ZNF431: variants seen among roughly 807,000 people sequenced by gnomAD.
ZNF431 encodes zinc finger protein 431.
ZNF431 carries 34 observed loss-of-function variants against 57.0 expected under a neutral mutation model. The ratio of observed to expected loss-of-function variants is 0.60; its 90% CI spans 0.45 to 0.79. The LOEUF (loss-of-function observed/expected upper bound fraction) is 0.79, where lower values mean the gene tolerates loss of function less well. Among genes scored for constraint, ZNF431 ranks in the 30% least tolerant of loss-of-function variants. The pLI is 0.00. For missense variants in ZNF431, 607 were observed against 667.1 expected (o/e 0.91, Z 0.99); for synonymous variants, 207 against 220.3 (o/e 0.94, Z 0.54).
chr19:21,145,198 C>G (rs925731983), intron 2 of ZNF431, among the ~76,000 whole-genome samples: 2 of 152,112 alleles, frequency 1.3e-5, no homozygotes, highest in Admixed American at 1.3e-4. Context: ...AAAGGCCCAC[C>G]TATGCGGTGG....
At chr19:21,180,408 A>G (rs1971176286) in intron 4 of ZNF431, among the ~76,000 whole-genome samples, 1 of 152,108 alleles carries the variant, frequency 6.6e-6, no homozygotes, top group South Asian at 2.1e-4. Flanking sequence ...CTTGTCTGAA[A>G]AGAATTTTAT....
At chr19:21,155,060 G>A (rs570888748) in intron 2 of ZNF431, among the ~76,000 whole-genome samples, 35 of 152,160 alleles carry the variant, frequency 2.3e-4, no homozygotes, top group African/African-American at 4.1e-4. Context: ...TTTTGTTGCC[G>A]TTGCTTTTGG....
At chr19:21,144,516 T>C (rs1970029756) in intron 2 of ZNF431, among the ~76,000 whole-genome samples, 1 of 152,080 alleles carries the variant, frequency 6.6e-6, no homozygotes, top group African/African-American at 2.4e-5. Context: ...TAGGAAAATA[T>C]TTACAAAGGG....
chr19:21,144,437 C>T (rs1337849620), intron 2 of ZNF431, among the ~76,000 whole-genome samples: 1 of 152,048 alleles, frequency 6.6e-6, no homozygotes, highest in Admixed American at 6.6e-5. Flanking sequence ...CTCCTGACCT[C>T]AGATGATCTG....
In ZNF431 at chr19:21,188,585, T is replaced by G. The variant is rs1971433690; in HGVS notation, c.*4551T>G. ...TTTGAAAAATAATGTCTTTTCTATATTGATTTTACAATTTGGAGAAATTTT... is the reference window on the plus strand; with the variant it reads ...TTTGAAAAATAATGTCTTTTCTATAGTGATTTTACAATTTGGAGAAATTTT... On this transcript the variant is annotated 3_prime_UTR_variant, in exon 5 of 5. Coordinates refer to ENST00000311048, the MANE Select transcript of ZNF431 (RefSeq NM_133473.4). 6.6e-6 allele frequency: 1 copy of G among 152,230 alleles called. No homozygotes were observed. The highest frequency in any genetic ancestry group is 2.4e-5 in the African/African-American group (1 of 41,464). 9.4% of individuals were successfully genotyped at this position (152,230 alleles called of 1,614,324 possible). A position where few individuals can be genotyped will look rare whatever the true frequency, so the allele number is the denominator to read the frequency against.
rs932625454 is a variant in ZNF431 at position 21,169,940 on chromosome 19, G to A, written c.319+2274G>A. 5 of 398,126 alleles carry A rather than the reference G, an allele frequency of 1.3e-5. No homozygotes were observed. In the Admixed American group the frequency reaches 2.2e-4, roughly 18 times the overall value. 24.7% of individuals were successfully genotyped at this position (398,126 alleles called of 1,614,324 possible). A position where few individuals can be genotyped will look rare whatever the true frequency, so the allele number is the denominator to read the frequency against. Reference sequence around the variant, plus strand: ...GTGTCTTCCTCCAGGTCTCTGGAAGGGCAGGACCTCTCTTAGACTGTAACT... The same window carrying A: ...GTGTCTTCCTCCAGGTCTCTGGAAGAGCAGGACCTCTCTTAGACTGTAACT... On this transcript the variant is annotated intron_variant, in intron 4 of 4. Coordinates refer to ENST00000311048, the MANE Select transcript of ZNF431 (RefSeq NM_133473.4).
chr19:21,153,751 T>C (rs1599582471), intron 2 of ZNF431, among the ~76,000 whole-genome samples: 1 of 152,186 alleles, frequency 6.6e-6, no homozygotes, highest in Non-Finnish European at 1.5e-5. Context: ...AGTTTCGCTC[T>C]TGTTGTCCAG....
At chr19:21,161,385 T>C (rs1383438274) in intron 2 of ZNF431, among the ~76,000 whole-genome samples, 2 of 152,168 alleles carry the variant, frequency 1.3e-5, no homozygotes, top group African/African-American at 4.8e-5. Context: ...GACAGGAGAA[T>C]TTTATTATTA....
At chr19:21,144,882 G>C (rs1970038954) in intron 2 of ZNF431, among the ~76,000 whole-genome samples, 1 of 152,106 alleles carries the variant, frequency 6.6e-6, no homozygotes, top group Non-Finnish European at 1.5e-5. Flanking sequence ...CTGTTATCTT[G>C]ATTTCTGAGT....
At chr19:21,150,871 A>C (rs954682628) in intron 2 of ZNF431, among the ~76,000 whole-genome samples, 1 of 152,156 alleles carries the variant, frequency 6.6e-6, no homozygotes, top group African/African-American at 2.4e-5. Flanking sequence ...CGCATTGCAA[A>C]ACGAACAGAA....
chr19:21,185,325 A>C lies in ZNF431; in HGVS notation c.*1291A>C, dbSNP rs972063436. 6.6e-6 allele frequency: 1 copy of C among 152,212 alleles called. No homozygotes were observed. The highest frequency in any genetic ancestry group is 2.4e-5 in the African/African-American group (1 of 41,468). 9.4% of individuals were successfully genotyped at this position (152,212 alleles called of 1,614,324 possible). ...TACTTTATTTCTTGAAAAATATTACAGATTTTTTGAAAATTGAATAATGTC... is the reference window on the plus strand; with the variant it reads ...TACTTTATTTCTTGAAAAATATTACCGATTTTTTGAAAATTGAATAATGTC... On this transcript the variant is annotated 3_prime_UTR_variant, in exon 5 of 5. Coordinates refer to ENST00000311048, the MANE Select transcript of ZNF431 (RefSeq NM_133473.4).
At chr19:21,157,925 T>G (rs1970464445) in intron 2 of ZNF431, among the ~76,000 whole-genome samples, 1 of 152,094 alleles carries the variant, frequency 6.6e-6, no homozygotes. Context: ...GTTCTGCTTT[T>G]GTTACCGTAG....
At chr19:21,163,345 A>G (rs1299187822) in intron 2 of ZNF431, among the ~76,000 whole-genome samples, 1 of 152,220 alleles carries the variant, frequency 6.6e-6, no homozygotes, top group Non-Finnish European at 1.5e-5. Context: ...TTGTGTTGTG[A>G]CAACAGAGCT....
At chr19:21,171,235 G>A (rs934266457) in intron 4 of ZNF431, among the ~76,000 whole-genome samples, 2 of 152,086 alleles carry the variant, frequency 1.3e-5, no homozygotes, top group Non-Finnish European at 2.9e-5. Flanking sequence ...TACAGTGCAT[G>A]CCAATGATTC....
At chr19:21,166,305 T>C (rs746770049) in intron 2 of ZNF431, 30 bp from the exon 3 acceptor site, 93 of 1,606,026 alleles carry the variant, frequency 5.8e-5, no homozygotes, top group Non-Finnish European at 6.9e-5. Context: ...TTGGTAAATA[T>C]ATGTGTGTCT....
At position 21,187,288 on chromosome 19, in the gene ZNF431, A is replaced by G. The variant is rs372346727; in HGVS notation, c.*3254A>G. 2 of 152,230 alleles carry G rather than the reference A, an allele frequency of 1.3e-5. No homozygotes were observed. The highest frequency in any genetic ancestry group is 4.1e-4 in the South Asian group (2 of 4,826). The allele number at this position is 152,230 out of a possible 1,614,324, so 9.4% of individuals were successfully genotyped here. A position where few individuals can be genotyped will look rare whatever the true frequency, so the allele number is the denominator to read the frequency against. On this transcript the variant is annotated 3_prime_UTR_variant, in exon 5 of 5. Coordinates refer to ENST00000311048, the MANE Select transcript of ZNF431 (RefSeq NM_133473.4). ...AAACCCAGTCTCTACTAAAACTACA[A>G]AAATAGCCAGGCATGGTGGTGGGTG...
chr19:21,159,304 G>A (rs1970508240), intron 2 of ZNF431, among the ~76,000 whole-genome samples: 1 of 151,862 alleles, frequency 6.6e-6, no homozygotes, highest in Non-Finnish European at 1.5e-5. Context: ...GCCAGGTTTT[G>A]GTATCAGAAT....
intron 2 of ZNF431, among the ~76,000 whole-genome samples, chr19:21,165,134 C>CTCTA (rs1970685561): frequency 6.6e-6 from 1 of 151,600 alleles, no homozygotes. Context: ...CCAGACCCTT[C>CTCTA]TCTACATCAT....
In ZNF431 at chr19:21,186,378, A is replaced by C. The variant is rs996711799; in HGVS notation, c.*2344A>C. 1 of 152,206 alleles carries C rather than the reference A, an allele frequency of 6.6e-6. No individual in the cohort carries two copies. The highest frequency in any genetic ancestry group is 1.9e-4 in the East Asian group (1 of 5,198). 9.4% of individuals were successfully genotyped at this position (152,206 alleles called of 1,614,324 possible). On this transcript the variant is annotated 3_prime_UTR_variant, in exon 5 of 5. Transcript: ENST00000311048. ...ATATACAGACTTTTAGTTTTGATTC[A>C]TATAGAGTTAAATACATGTTAGTCT...
Sources: allele counts gnomAD v4.1 joint callset (sites outside exome capture counted in the v4.1 genomes callset), GRCh38; gene constraint gnomAD v4.1.1; transcripts MANE v1.5; gene names NCBI Gene and HGNC (gene_info 2026-07-23, HGNC 2026-07-21).